Variants in WDFY2 observed in about 807,000 individuals in gnomAD.
The protein encoded by WDFY2 is WD repeat and FYVE domain-containing protein 2.
Under a neutral mutation model 56.4 loss-of-function variants are expected in WDFY2, and 36 were observed. The observed-to-expected ratio is 0.64, with a 90% CI of 0.49 to 0.84. The LOEUF is 0.84. Among genes scored for constraint, WDFY2 ranks in the 40% least tolerant of loss-of-function variants. The pLI is 0.00. For synonymous variants in WDFY2, 176 were observed against 183.7 expected (o/e 0.96, Z 0.34); for missense variants, 444 against 512.2 (o/e 0.87, Z 1.29).
chr13:51,729,489 C>T (rs571718279), intron 6 of WDFY2, among the ~76,000 whole-genome samples: 126 of 152,156 alleles, frequency 8.3e-4, no homozygotes, highest in Admixed American at 3.9e-3. Context: ...TTTCTCTCCC[C>T]ACTTCTCCTC....
chr13:51,641,128 A>G (rs930461124), intron 1 of WDFY2, among the ~76,000 whole-genome samples: 5 of 151,950 alleles, frequency 3.3e-5, no homozygotes, highest in Non-Finnish European at 5.9e-5. Context: ...GCTGGAGTGC[A>G]GTGGTATGAT....
At chr13:51,737,859 T>G (rs979231315) in intron 6 of WDFY2, among the ~76,000 whole-genome samples, 2 of 152,198 alleles carry the variant, frequency 1.3e-5, no homozygotes, top group African/African-American at 4.8e-5. Flanking sequence ...GAAGCCATGT[T>G]TATTCTTACA....
intron 6 of WDFY2, among the ~76,000 whole-genome samples, chr13:51,731,087 G>T (rs1952712847): frequency 6.6e-6 from 1 of 152,220 alleles, no homozygotes; most frequent in African/African-American, 2.4e-5. Flanking sequence ...CTGTGACAGT[G>T]GGAAAACAAG....
intron 4 of WDFY2, among the ~76,000 whole-genome samples, chr13:51,715,184 G>A (rs749180602): frequency 2.0e-5 from 3 of 151,920 alleles, no homozygotes; most frequent in Non-Finnish European, 4.4e-5. Context: ...GTACACTTAG[G>A]CTATTAAAAA....
intron 1 of WDFY2, among the ~76,000 whole-genome samples, chr13:51,631,688 A>C (rs1954955660): frequency 1.3e-5 from 2 of 152,050 alleles, no homozygotes; most frequent in East Asian, 1.9e-4. Flanking sequence ...TTGCATTATG[A>C]TTTCAACATT....
chr13:51,748,153 A>G (rs1252748422), intron 7 of WDFY2, among the ~76,000 whole-genome samples: 3 of 151,656 alleles, frequency 2.0e-5, no homozygotes, highest in Non-Finnish European at 4.4e-5. Flanking sequence ...TCCCATCACA[A>G]CGCCCCCTCC....
chr13:51,586,303 CTACTGGAGA>C, intron 1 of WDFY2: 1 of 368,878 alleles, frequency 2.7e-6, no homozygotes, highest in East Asian at 3.9e-5. Context: ...CAGTCTGTAA[CTACTGGAGA>C]TGGAACTGAT....
Position 51,767,060 on chromosome 13 carries a change from T to G in WDFY2, c.*7291T>G, listed in dbSNP as rs74086273. ...CAGCTTTTTCTTGTGCTTAGTAAAC[T>G]TTTCCAGTGAGGAGAAATGACTTCG... On this transcript the variant is annotated 3_prime_UTR_variant, in exon 12 of 12. Coordinates refer to ENST00000298125, the MANE Select transcript of WDFY2 (RefSeq NM_052950.4). 1 of 152,364 alleles carries G rather than the reference T, an allele frequency of 6.6e-6. No individual in the cohort carries two copies. The highest frequency in any genetic ancestry group is 2.4e-5 in the African/African-American group (1 of 41,570). The allele number at this position is 152,364 out of a possible 1,614,324, so 9.4% of individuals were successfully genotyped here.
intron 1 of WDFY2, among the ~76,000 whole-genome samples, chr13:51,655,770 A>G (rs1566079639): frequency 1.3e-5 from 2 of 152,098 alleles, no homozygotes; most frequent in African/African-American, 4.8e-5. Flanking sequence ...TGACTTTGCC[A>G]GTGAAGCCGT....
chr13:51,682,744 A>G (rs1387748173), intron 3 of WDFY2, among the ~76,000 whole-genome samples: 1 of 152,180 alleles, frequency 6.6e-6, no homozygotes, highest in Non-Finnish European at 1.5e-5. Flanking sequence ...CAAATGCTCC[A>G]TAAATATTAA....
At chr13:51,740,654 C>T (rs989728708) in intron 7 of WDFY2, among the ~76,000 whole-genome samples, 2 of 148,682 alleles carry the variant, frequency 1.3e-5, no homozygotes, top group Non-Finnish European at 3.0e-5. Flanking sequence ...GTGGAGGTCG[C>T]GGTGAGCCGA....
chr13:51,657,004 A>G (rs1333096477), intron 1 of WDFY2, among the ~76,000 whole-genome samples: 2 of 151,872 alleles, frequency 1.3e-5, no homozygotes, highest in African/African-American at 4.8e-5. Context: ...GACTTCTGCC[A>G]TTTCACTATT....
rs775485134 is a variant in WDFY2, at chr13:51,751,345, C to T, written c.761C>T (p.Thr254Met). The change falls in exon 8 of 12, where the codon ACG becomes ATG. Residue 254 changes from threonine to methionine, a missense_variant. Coordinates refer to ENST00000298125, the MANE Select transcript of WDFY2 (RefSeq NM_052950.4). ...RVQALSYAQH[T>M]RQLISCGGDG... ...CAGGCCCTCTCCTATGCACAGCACA[C>T]GCGACAATTGATCTCCTGTGGCGGT... 1.5e-5 allele frequency: 24 copies of T among 1,613,868 alleles called. No homozygotes were observed. The highest frequency in any genetic ancestry group is 4.4e-5 in the South Asian group (4 of 91,086).
intron 1 of WDFY2, among the ~76,000 whole-genome samples, chr13:51,627,987 G>A (rs1954869762): frequency 6.6e-6 from 1 of 152,166 alleles, no homozygotes; most frequent in Non-Finnish European, 1.5e-5. Flanking sequence ...GGGCAGCCAT[G>A]GGCAGGCTCA....
In WDFY2 at chr13:51,757,162, AGTC is replaced by A. The variant is rs1953412141; in HGVS notation, c.1064+701_1064+703del. ...CTTGTATTACAGTAAAATCATAAGTAGTCTTATTTATCCATATCAAATATAAAA... is the reference window on the plus strand; with the variant it reads ...CTTGTATTACAGTAAAATCATAAGTATTATTTATCCATATCAAATATAAAA... On this transcript the variant is annotated intron_variant, in intron 10 of 11. Coordinates refer to ENST00000298125, the MANE Select transcript of WDFY2 (RefSeq NM_052950.4). Among the ~76,000 whole-genome samples, 3 of 152,204 alleles carry A rather than the reference AGTC, an allele frequency of 2.0e-5. No homozygotes were observed. The South Asian group carries it at 6.2e-4, about 31-fold the overall frequency.
intron 3 of WDFY2, among the ~76,000 whole-genome samples, chr13:51,687,708 G>A (rs1021990511): frequency 1.3e-5 from 2 of 152,024 alleles, no homozygotes; most frequent in Admixed American, 1.3e-4. Flanking sequence ...GACATGTTGG[G>A]GAGACATGTT....
At chr13:51,655,360 A>C (rs1286101274) in intron 1 of WDFY2, among the ~76,000 whole-genome samples, 4 of 151,946 alleles carry the variant, frequency 2.6e-5, no homozygotes, top group Non-Finnish European at 4.4e-5. Flanking sequence ...AGATTAAGGA[A>C]ATTTTCTTCT....
At chr13:51,656,442 C>A (rs1955510350) in intron 1 of WDFY2, among the ~76,000 whole-genome samples, 1 of 151,970 alleles carries the variant, frequency 6.6e-6, no homozygotes, top group South Asian at 2.1e-4. Flanking sequence ...TCCATGTGTA[C>A]TTCAGAAAAA....
At chr13:51,753,427 A>G (rs1953282447) in intron 8 of WDFY2, among the ~76,000 whole-genome samples, 1 of 152,182 alleles carries the variant, frequency 6.6e-6, no homozygotes, top group South Asian at 2.1e-4. Context: ...AACTTTTAGC[A>G]TTTTTTAAAA....
Sources: gnomAD v4.1 joint callset for allele counts (sites outside exome capture counted in the v4.1 genomes callset) on GRCh38, gnomAD v4.1.1 for gene constraint, MANE v1.5 for transcripts, NCBI Gene and HGNC (gene_info 2026-07-23, HGNC 2026-07-21) for gene names.